ALK: variants seen among roughly 807,000 people sequenced by gnomAD.
ALK encodes the protein ALK tyrosine kinase receptor.
Under a neutral mutation model 163.1 loss-of-function variants are expected in ALK, and 74 were observed. That is an observed-to-expected ratio of 0.45 (90% confidence interval 0.38 to 0.55). ALK has a LOEUF of 0.55. ALK is among the 20% of genes least tolerant of loss of function. The pLI is 0.00. For missense variants in ALK, 2,063 were observed against 2,105.3 expected, an observed-to-expected ratio of 0.98 and a Z score of 0.39; for synonymous variants, 960 against 843.2, an observed-to-expected ratio of 1.14 and a Z score of -2.40.
chr2:29,627,389 T>G (rs975372518), intron 3 of ALK, among the ~76,000 whole-genome samples: 1 of 152,204 alleles, frequency 6.6e-6, no homozygotes, highest in African/African-American at 2.4e-5. Flanking sequence ...TAAGGCTCAC[T>G]GTTGATGCCG....
At chr2:29,561,401 C>T (rs935369964) in intron 3 of ALK, among the ~76,000 whole-genome samples, 14 of 152,170 alleles carry the variant, frequency 9.2e-5, no homozygotes, top group Non-Finnish European at 1.5e-4. Context: ...CCTGGCTATA[C>T]AACAGTAGCC....
At chr2:29,852,566 C>T (rs1458592411) in intron 1 of ALK, among the ~76,000 whole-genome samples, 3 of 152,198 alleles carry the variant, frequency 2.0e-5, no homozygotes, top group Non-Finnish European at 1.5e-5. Flanking sequence ...AGGATTCCAA[C>T]AGTTCTGGAA....
In ALK at chr2:29,330,489, G is replaced by A. The variant is rs559517010; in HGVS notation, c.1283-2008C>T. On this transcript the variant is annotated intron_variant, in intron 5 of 28. Coordinates refer to ENST00000389048, the MANE Select transcript of ALK (RefSeq NM_004304.5). ...CTTCATCAAGTTGTGTGAGCTTGGC[G>A]TTCACCCCAGGCCTAGCCAGTGCCT... Among the ~76,000 whole-genome samples the A allele has an allele frequency of 1.3e-4, 20 of 152,234 alleles. No homozygotes were observed. The East Asian group carries it at 2.5e-3, about 19-fold the overall frequency.
chr2:29,226,887 G>T (rs767521894), intron 18 of ALK, 35 bp downstream of exon 18: 1 of 1,612,802 alleles, frequency 6.2e-7, no homozygotes, highest in Non-Finnish European at 8.5e-7. Context: ...CTCAGGCTAT[G>T]GGCCCCTCTG....
intron 12 of ALK, among the ~76,000 whole-genome samples, chr2:29,248,692 G>A (rs1397720302): frequency 2.6e-5 from 4 of 152,162 alleles, no homozygotes; most frequent in Non-Finnish European, 4.4e-5. Flanking sequence ...ATTTTGGCTG[G>A]GATTCTATGA....
At chr2:29,670,800 C>T (rs1459614799) in intron 3 of ALK, among the ~76,000 whole-genome samples, 1 of 151,938 alleles carries the variant, frequency 6.6e-6, no homozygotes, top group Non-Finnish European at 1.5e-5. Context: ...CTAATGAGTT[C>T]TTCACTTCAG....
intron 1 of ALK, among the ~76,000 whole-genome samples, chr2:29,734,991 G>A (rs1420705686): frequency 6.6e-6 from 1 of 152,182 alleles, no homozygotes; most frequent in Non-Finnish European, 1.5e-5. Flanking sequence ...CAATGAGTAT[G>A]TGTAAATTGC....
chr2:29,888,232 T>G (rs916128719), intron 1 of ALK, among the ~76,000 whole-genome samples: 5 of 136,946 alleles, frequency 3.7e-5, no homozygotes, highest in Admixed American at 3.1e-4. Flanking sequence ...ATTGAGCACA[T>G]GGTCCAATAA....
At chr2:29,564,446 CA>C (rs139793882) in intron 3 of ALK, among the ~76,000 whole-genome samples, 78,931 of 151,538 alleles carry the variant, frequency 0.52, 20,890 homozygotes, top group African/African-American at 0.56. Flanking sequence ...CCACCACCCC[CA>C]CCGCCACCCT....
At chr2:29,784,275 C>T (rs561994230) in intron 1 of ALK, among the ~76,000 whole-genome samples, 6 of 152,250 alleles carry the variant, frequency 3.9e-5, no homozygotes, top group South Asian at 2.1e-4. Flanking sequence ...ACATGAATGA[C>T]GAGAGTTTCT....
At chr2:29,402,928 C>G (rs1324274294) in intron 4 of ALK, among the ~76,000 whole-genome samples, 2 of 152,068 alleles carry the variant, frequency 1.3e-5, no homozygotes, top group African/African-American at 4.8e-5. Flanking sequence ...AAATGATTAC[C>G]GAACCAGATC....
chr2:29,239,585 C>G, intron 13 of ALK, 95 bp downstream of exon 13: 1 of 1,461,084 alleles, frequency 6.8e-7, no homozygotes, highest in Non-Finnish European at 9.5e-7. Flanking sequence ...CTGGTATGAA[C>G]TTCCAGGAGG....
intron 5 of ALK, among the ~76,000 whole-genome samples, chr2:29,354,141 T>C (rs1573272404): frequency 1.3e-5 from 2 of 152,176 alleles, no homozygotes; most frequent in South Asian, 2.1e-4. Context: ...TCTTTGTCTT[T>C]AAGGGGCTAA....
intron 1 of ALK, among the ~76,000 whole-genome samples, chr2:29,919,710 T>C (rs1667933272): frequency 6.6e-6 from 1 of 152,122 alleles, no homozygotes; most frequent in Admixed American, 6.5e-5. Flanking sequence ...CCCAATTTTG[T>C]CTCGGACAGC....
chr2:29,608,296 C>T (rs530335382), intron 3 of ALK, among the ~76,000 whole-genome samples: 3 of 152,320 alleles, frequency 2.0e-5, no homozygotes, highest in South Asian at 2.1e-4. Flanking sequence ...AGAACATATG[C>T]TTCATGAAGG....
intron 6 of ALK, among the ~76,000 whole-genome samples, chr2:29,324,131 G>T (rs1667172130): frequency 6.6e-6 from 1 of 152,176 alleles, no homozygotes; most frequent in Non-Finnish European, 1.5e-5. Context: ...TCATTGGCTG[G>T]ATGGCCAAAT....
chr2:29,257,729 C>T (rs561047886), intron 11 of ALK, among the ~76,000 whole-genome samples: 1 of 152,326 alleles, frequency 6.6e-6, no homozygotes, highest in Admixed American at 6.5e-5. Flanking sequence ...TCATCCACAT[C>T]CACTGACTGA....
chr2:29,920,458 C>T lies in ALK; in HGVS notation c.202G>A (p.Ala68Thr). 6.2e-7 allele frequency: 1 copy of T among 1,611,978 alleles called. No individual in the cohort carries two copies. The highest frequency in any genetic ancestry group is 8.5e-7 in the Non-Finnish European group (1 of 1,179,312). ...GATGGTGGCAGCAGTAGGTCCCGGGCGTAGACACGGAAGAGCGAGGGCACC... is the reference window on the plus strand; with the variant it reads ...GATGGTGGCAGCAGTAGGTCCCGGGTGTAGACACGGAAGAGCGAGGGCACC... ...FVVPSLFRVY[A>T]RDLLLPPSSS... The change falls in exon 1 of 29, where the codon GCC (alanine) becomes ACC (threonine). Residue 68 changes from alanine to threonine, a missense_variant. Ala to Thr is a moderately conservative substitution (Grantham distance 58). Coordinates refer to ENST00000389048, the MANE Select transcript of ALK (RefSeq NM_004304.5).
intron 6 of ALK, among the ~76,000 whole-genome samples, chr2:29,322,786 A>G (rs767501366): frequency 1.4e-4 from 22 of 152,216 alleles, no homozygotes; most frequent in Non-Finnish European, 2.9e-4. Context: ...GTGAGCCAAG[A>G]TTGTGCCACT....
Sources: allele counts gnomAD v4.1 joint callset (sites outside exome capture counted in the v4.1 genomes callset), GRCh38; gene constraint gnomAD v4.1.1; transcripts MANE v1.5; gene names NCBI Gene and HGNC (gene_info 2026-07-23, HGNC 2026-07-21).